The following SCYL2 variants were observed in gnomAD, a reference collection of about 807,000 sequenced individuals.
SCYL2 encodes the protein SCY1 like pseudokinase 2.
Under a neutral mutation model 100.4 loss-of-function variants are expected in SCYL2, and 36 were observed. The ratio of observed to expected loss-of-function variants is 0.36; its 90% confidence interval spans 0.27 to 0.47. The LOEUF is 0.47. Ranked by LOEUF, SCYL2 falls within the 20% of genes least tolerant of loss-of-function variation. The probability of loss-of-function intolerance (pLI) is 1.00; values close to 1 mark genes in which losing one functional copy is unlikely to be tolerated. For missense variants in SCYL2, 902 were observed against 1,083.9 expected, an observed-to-expected ratio of 0.83 and a Z score of 2.36; for synonymous variants, 330 against 359.2, an observed-to-expected ratio of 0.92 and a Z score of 0.92.
chr12:100,269,848 G>A (rs2096285483), intron 1 of SCYL2, among the ~76,000 whole-genome samples: 1 of 152,154 alleles, frequency 6.6e-6, no homozygotes, highest in Admixed American at 6.5e-5. Context: ...CCAAAGGTTT[G>A]AGATACTACC....
chr12:100,306,232 A>G (rs939055737), intron 4 of SCYL2, among the ~76,000 whole-genome samples: 1 of 152,232 alleles, frequency 6.6e-6, no homozygotes, highest in Non-Finnish European at 1.5e-5. Context: ...ATCCCTGATG[A>G]ACACTGATGC....
chr12:100,326,061 G>T (rs573574495), intron 11 of SCYL2, among the ~76,000 whole-genome samples: 2 of 152,018 alleles, frequency 1.3e-5, no homozygotes, highest in African/African-American at 2.4e-5. Flanking sequence ...TAGAAGTAGG[G>T]TATGATGTAT....
intron 3 of SCYL2, chr12:100,296,642 T>A (rs1336318105): frequency 6.6e-6 from 1 of 151,968 alleles, no homozygotes; most frequent in African/African-American, 2.4e-5. Context: ...GAGAAGTTGT[T>A]AGTAACATTC....
In SCYL2 at chr12:100,341,031, A is replaced by G. The variant is rs966222644; in HGVS notation, c.*1859A>G. On this transcript the variant is annotated 3_prime_UTR_variant, in exon 18 of 18. Transcript: ENST00000360820. ...TGATGTTAGTGTTGAACTCTTAAAC[A>G]GAAAGAAAGCTTAATATAACAGCTT... is the stretch of plus-strand genomic sequence containing the variant. The G allele has an allele frequency of 6.6e-6, 1 of 152,070 alleles. No homozygotes were observed. The highest frequency in any genetic ancestry group is 1.5e-5 in the Non-Finnish European group (1 of 67,912). The allele number at this position is 152,070 out of a possible 1,614,324, so 9.4% of individuals were successfully genotyped here.
rs1952346478 is a variant in SCYL2, at chr12:100,341,025, T to G, written c.*1853T>G. The G allele has an allele frequency of 6.6e-6, 1 of 152,088 alleles. No homozygotes were observed. Among genetic ancestry groups the G allele is most frequent in the South Asian group, 2.1e-4 (1 of 4,830 alleles). The allele number at this position is 152,088 out of a possible 1,614,324, so 9.4% of individuals were successfully genotyped here. On this transcript the variant is annotated 3_prime_UTR_variant, in exon 18 of 18. Coordinates refer to ENST00000360820, the MANE Select transcript of SCYL2 (RefSeq NM_017988.6). ...ATAACATGATGTTAGTGTTGAACTC[T>G]TAAACAGAAAGAAAGCTTAATATAA...
rs535400681 is a variant in SCYL2, at chr12:100,294,232, T to A, written c.335+2572T>A. On this transcript the variant is annotated intron_variant, in intron 3 of 17. Coordinates refer to ENST00000360820, the MANE Select transcript of SCYL2 (RefSeq NM_017988.6). ...GTGACCCCCCCACCTCCCTCCCGGA[T>A]GGGGTGGCTGGCCAGGTGGGGGGCT... Among the ~76,000 whole-genome samples, 318 of 115,468 alleles carry A rather than the reference T, an allele frequency of 2.8e-3. 9 individuals are homozygous for A. The East Asian group carries it at 0.08, about 29-fold the overall frequency. The allele number at this position is 115,468 out of a possible 152,430, so 75.8% of individuals were successfully genotyped here.
At chr12:100,329,411 A>C in intron 13 of SCYL2, 92 bp downstream of exon 13, 1 of 634,192 alleles carries the variant, frequency 1.6e-6, no homozygotes, top group Non-Finnish European at 2.8e-6. Flanking sequence ...TGGTTAAAAA[A>C]AAAAGGGTGA....
intron 13 of SCYL2, among the ~76,000 whole-genome samples, chr12:100,331,213 G>GT (rs1952205262): frequency 6.6e-6 from 1 of 152,180 alleles, no homozygotes; most frequent in African/African-American, 2.4e-5. Context: ...GAGACAGTGA[G>GT]TATTGGGGAG....
chr12:100,333,265 C>T (rs1480349505), intron 13 of SCYL2, among the ~76,000 whole-genome samples: 1 of 152,076 alleles, frequency 6.6e-6, no homozygotes, highest in Non-Finnish European at 1.5e-5. Flanking sequence ...AGCAGTATAA[C>T]GTAGTAGAAA....
chr12:100,304,103 C>T (rs1330223290), intron 4 of SCYL2, among the ~76,000 whole-genome samples: 2 of 152,150 alleles, frequency 1.3e-5, no homozygotes, highest in East Asian at 1.9e-4. Flanking sequence ...AGACGCCTCT[C>T]CCCTCACTGA....
chr12:100,281,871 T>C (rs960721074), intron 1 of SCYL2, among the ~76,000 whole-genome samples: 2 of 151,962 alleles, frequency 1.3e-5, no homozygotes, highest in African/African-American at 4.8e-5. Flanking sequence ...ATTTATTGCT[T>C]AGTAAAGTGT....
intron 17 of SCYL2, among the ~76,000 whole-genome samples, chr12:100,337,775 ATTCAACTCTG>A (rs1952298236): frequency 6.6e-6 from 1 of 152,240 alleles, no homozygotes; most frequent in Non-Finnish European, 1.5e-5. Flanking sequence ...CATAGTACTC[ATTCAACTCTG>A]TTCACTCTGA....
At chr12:100,296,683 CA>C (rs950833100) in intron 3 of SCYL2, 5 of 140,414 alleles carry the variant, frequency 3.6e-5, no homozygotes, top group African/African-American at 7.9e-5. Flanking sequence ...AGTTTGGAAG[CA>C]AAAAAAAATA....
At chr12:100,287,533 A>C (rs940000380) in intron 2 of SCYL2, among the ~76,000 whole-genome samples, 12 of 152,358 alleles carry the variant, frequency 7.9e-5, no homozygotes, top group African/African-American at 2.4e-4. Flanking sequence ...CAAATACTAC[A>C]GTCTTTTAGA....
chr12:100,270,642 A>G lies in SCYL2; in HGVS notation c.-29+2850A>G, dbSNP rs61940538. ...TGCTTTCTTTTTTTTTTTTTTTTTA[A>G]TATTTTTATTTACATAGAGACAGGG... is the stretch of plus-strand genomic sequence containing the variant. On this transcript the variant is annotated intron_variant, in intron 1 of 17. Transcript: ENST00000360820. Among the ~76,000 whole-genome samples the G allele has an allele frequency of 5.6e-3, 657 of 118,144 alleles. 3 individuals are homozygous for G. Among genetic ancestry groups the G allele is most frequent in the Middle Eastern group, 0.022 (5 of 226 alleles). 77.5% of individuals were successfully genotyped at this position (118,144 alleles called of 152,430 possible).
At chr12:100,294,840 A>C (rs377204898) in intron 3 of SCYL2, among the ~76,000 whole-genome samples, 16,922 of 147,188 alleles carry the variant, frequency 0.11, 1,300 homozygotes, top group Non-Finnish European at 0.17. Flanking sequence ...TGCTGGGCGG[A>C]GACGCTCCTC....
intron 4 of SCYL2, among the ~76,000 whole-genome samples, chr12:100,308,284 A>G (rs557521380): frequency 1.8e-4 from 27 of 152,340 alleles, no homozygotes; most frequent in African/African-American, 6.0e-4. Context: ...TGGCACATAT[A>G]CACCATGGAA....
intron 4 of SCYL2, among the ~76,000 whole-genome samples, chr12:100,302,348 A>G (rs2096328826): frequency 6.6e-6 from 1 of 152,062 alleles, no homozygotes; most frequent in African/African-American, 2.4e-5. Flanking sequence ...GTTGCATAGA[A>G]ATTGCAGTGC....
intron 2 of SCYL2, among the ~76,000 whole-genome samples, chr12:100,290,327 G>A (rs1399175264): frequency 1.3e-5 from 2 of 152,096 alleles, no homozygotes; most frequent in Non-Finnish European, 2.9e-5. Flanking sequence ...TTGGGGGGAC[G>A]TTGTGTTTTA....
Sources: gnomAD v4.1 joint callset for allele counts (sites outside exome capture counted in the v4.1 genomes callset) on GRCh38, gnomAD v4.1.1 for gene constraint, MANE v1.5 for transcripts, NCBI Gene and HGNC (gene_info 2026-07-23, HGNC 2026-07-21) for gene names.